The following ESRP1 variants were observed in gnomAD, a reference collection of about 807,000 sequenced individuals.
The protein encoded by ESRP1 is RNA-binding motif protein 35A.
ESRP1 carries 33 observed loss-of-function variants against 81.7 expected under a neutral mutation model. That is an observed-to-expected ratio of 0.40 (90% CI 0.31 to 0.54). The LOEUF is 0.54. Ranked by LOEUF, ESRP1 falls within the 20% of genes least tolerant of loss-of-function variation. The pLI is 0.41. For synonymous variants in ESRP1, 320 were observed against 303.3 expected (o/e 1.06, Z -0.57); for missense variants, 672 against 833.1 (o/e 0.81, Z 2.38).
At chr8:94,680,426 C>T (rs1808828078) in intron 13 of ESRP1, among the ~76,000 whole-genome samples, 2 of 152,006 alleles carry the variant, frequency 1.3e-5, no homozygotes, top group Admixed American at 1.3e-4. Flanking sequence ...GATAGAAAAA[C>T]ATTAATTTCT....
In ESRP1 at chr8:94,674,276, C is replaced by CT. The variant is rs1292086345; in HGVS notation, c.1453-28dup. On this transcript the variant is annotated intron_variant, in intron 11 of 15. Transcript: ENST00000433389. The stretch of plus-strand genomic sequence containing the variant: ...TTTCCTTGTTGAAGGAGACAGTCTC[C>CT]TTTTGTTTTTATTCTTCCCCCACAC... 1.9e-6 allele frequency: 3 copies of CT among 1,598,670 alleles called. No homozygotes were observed. The Middle Eastern group carries it at 5.0e-4, about 265-fold the overall frequency.
intron 15 of ESRP1, among the ~76,000 whole-genome samples, chr8:94,703,030 G>A (rs374638065): frequency 1.3e-5 from 2 of 151,086 alleles, no homozygotes; most frequent in Non-Finnish European, 2.9e-5. Flanking sequence ...ATTTGTAAAT[G>A]TCTGCAGTTG....
chr8:94,666,571 A>G (rs1819026254), intron 9 of ESRP1, among the ~76,000 whole-genome samples: 1 of 152,230 alleles, frequency 6.6e-6, no homozygotes, highest in Non-Finnish European at 1.5e-5. Flanking sequence ...GTGTAAAAGA[A>G]CATTTGTATT....
chr8:94,703,513 GTTTAAC>G (rs1208616760), intron 15 of ESRP1, among the ~76,000 whole-genome samples: 1 of 152,076 alleles, frequency 6.6e-6, no homozygotes, highest in Non-Finnish European at 1.5e-5. Flanking sequence ...AAGGCTAAAC[GTTTAAC>G]TTTAACTTTT....
At chr8:94,693,830 CAG>C (rs1252071634) in intron 14 of ESRP1, among the ~76,000 whole-genome samples, 2 of 152,124 alleles carry the variant, frequency 1.3e-5, no homozygotes, top group African/African-American at 2.4e-5. Context: ...AAAATTATCT[CAG>C]GGGCGATGCT....
chr8:94,672,389 GT>G (rs926313295), intron 11 of ESRP1, among the ~76,000 whole-genome samples: 6 of 152,242 alleles, frequency 3.9e-5, no homozygotes, highest in African/African-American at 1.2e-4. Flanking sequence ...ATATGCAAAT[GT>G]AAAGTATTTC....
chr8:94,699,499 A>AC (rs1809732617), intron 15 of ESRP1, among the ~76,000 whole-genome samples: 1 of 151,844 alleles, frequency 6.6e-6, no homozygotes, highest in African/African-American at 2.4e-5. Context: ...ACAGAAAATT[A>AC]CCTAGGTGTG....
intron 13 of ESRP1, among the ~76,000 whole-genome samples, chr8:94,681,439 A>G (rs1160118093): frequency 6.6e-6 from 1 of 150,580 alleles, no homozygotes; most frequent in Admixed American, 6.6e-5. Context: ...GGAGTTTGAG[A>G]CCAGCCTGGC....
chr8:94,647,385 A>C (rs1383926332), intron 4 of ESRP1, among the ~76,000 whole-genome samples: 1 of 152,338 alleles, frequency 6.6e-6, no homozygotes, highest in East Asian at 1.9e-4. Context: ...TGTATTAGAC[A>C]GCTCAAGCTT....
At chr8:94,683,022 G>GCA (rs1255821551) in intron 13 of ESRP1, among the ~76,000 whole-genome samples, 30 of 128,238 alleles carry the variant, frequency 2.3e-4, no homozygotes, top group Non-Finnish European at 4.5e-4. Flanking sequence ...TCAGCTCACT[G>GCA]CAGCCTCCGC....
At chr8:94,649,997 TCCTCTC>T (rs1426836914) in intron 4 of ESRP1, among the ~76,000 whole-genome samples, 2 of 152,148 alleles carry the variant, frequency 1.3e-5, no homozygotes, top group South Asian at 4.2e-4. Context: ...CTCTCCCTCT[TCCTCTC>T]CCTGCTCCTT....
intron 13 of ESRP1, among the ~76,000 whole-genome samples, chr8:94,683,953 T>G (rs886409963): frequency 5.9e-5 from 9 of 152,152 alleles, no homozygotes; most frequent in Non-Finnish European, 1.3e-4. Context: ...GTTCAAGCGA[T>G]TCTCCTGCCG....
intron 13 of ESRP1, among the ~76,000 whole-genome samples, chr8:94,681,867 G>A (rs939361634): frequency 1.3e-5 from 2 of 152,130 alleles, no homozygotes; most frequent in South Asian, 2.1e-4. Context: ...CTGGGAGGCG[G>A]TGGTTGCAGT....
intron 13 of ESRP1, among the ~76,000 whole-genome samples, chr8:94,679,089 G>A (rs1366288391): frequency 6.6e-6 from 1 of 152,174 alleles, no homozygotes; most frequent in African/African-American, 2.4e-5. Context: ...CTACAGCTAT[G>A]TTGCATTGTA....
Position 94,643,304 on chromosome 8 carries a change from T to G in ESRP1, c.263T>G (p.Phe88Cys). 2 of 1,601,184 alleles carry G rather than the reference T, an allele frequency of 1.2e-6. No homozygotes were observed. The change falls in exon 3 of 16, where the codon TTT becomes TGT. Residue 88 changes from phenylalanine to cysteine, a missense_variant and splice_region_variant. Transcript: ENST00000433389. ...CCTATGTGTATCTTGTTCTTGCAGTTTAACCAGTCAGTGAGCAATGAACTG... is the reference window on the plus strand; with the variant it reads ...CCTATGTGTATCTTGTTCTTGCAGTGTAACCAGTCAGTGAGCAATGAACTG... ...ASQLDQALRQ[F>C]NQSVSNELNI... is the part of the protein sequence containing the mutation.
intron 13 of ESRP1, among the ~76,000 whole-genome samples, chr8:94,682,513 T>C (rs2130678751): frequency 6.6e-6 from 1 of 152,116 alleles, no homozygotes; most frequent in Non-Finnish European, 1.5e-5. Flanking sequence ...ACTATAGGCA[T>C]GCACCACCTC....
chr8:94,655,333 C>T (rs963040734), intron 4 of ESRP1, among the ~76,000 whole-genome samples: 14 of 151,352 alleles, frequency 9.2e-5, no homozygotes, highest in Non-Finnish European at 1.5e-4. Context: ...GTGATCCACC[C>T]GCCTCGGCCT....
rs781077582 is a variant in ESRP1 at position 94,641,295 on chromosome 8, CT to C, written c.-23del. 4.9e-5 allele frequency: 79 copies of C among 1,600,102 alleles called. No homozygotes were observed. Among genetic ancestry groups the C allele is most frequent in the Middle Eastern group, 2.0e-4 (1 of 5,064 alleles). On this transcript the variant is annotated 5_prime_UTR_variant, in exon 1 of 16. Coordinates refer to ENST00000433389, the MANE Select transcript of ESRP1 (RefSeq NM_017697.4). ...CCACCTTACCGCCTCCCGACCCCCCCTCTCCCCCTCCCCACCTATCGTCATG... is the reference window on the plus strand; with the variant it reads ...CCACCTTACCGCCTCCCGACCCCCCCCTCCCCCTCCCCACCTATCGTCATG...
At chr8:94,660,709 C>CAAAAAAAAAAAAAAA (rs60316449) in intron 4 of ESRP1, among the ~76,000 whole-genome samples, 3 of 43,542 alleles carry the variant, frequency 6.9e-5, no homozygotes, top group African/African-American at 2.1e-4. Flanking sequence ...GAGACTATCT[C>CAAAAAAAAAAAAAAA]AAAAAAAAAA....
Sources: allele counts gnomAD v4.1 joint callset (sites outside exome capture counted in the v4.1 genomes callset), GRCh38; gene constraint gnomAD v4.1.1; transcripts MANE v1.5; gene names NCBI Gene and HGNC (gene_info 2026-07-23, HGNC 2026-07-21).